EVC: variants seen among roughly 807,000 people sequenced by gnomAD.
The protein encoded by EVC is EvC ciliary complex subunit 1.
EVC carries 116 observed loss-of-function variants against 118.9 expected under a neutral mutation model. That is an observed-to-expected ratio of 0.98 (90% CI 0.84 to 1.14). The LOEUF (loss-of-function observed/expected upper bound fraction) is 1.14. EVC is among the 50% of genes most tolerant of loss of function. EVC has a pLI of 0.00. For synonymous variants in EVC, 619 were observed against 534.7 expected (o/e 1.16, Z -2.18); for missense variants, 1,401 against 1,246.4 (o/e 1.12, Z -1.87).
In EVC at chr4:5,798,585, G is replaced by A. The variant is rs773019082; in HGVS notation, c.2098-1G>A. The A allele has an allele frequency of 1.5e-5, 24 of 1,560,022 alleles. No homozygotes were observed. Among genetic ancestry groups the A allele is most frequent in the Non-Finnish European group, 2.0e-5 (23 of 1,153,080 alleles). On this transcript the variant is annotated splice_acceptor_variant, in intron 14 of 20. Transcript: ENST00000264956. LOFTEE classifies it high-confidence loss of function. The surrounding 1 kb of genome is among the most constrained non-coding windows in gnomAD (Gnocchi z 4.1). The stretch of plus-strand genomic sequence containing the variant: ...CCTGCTCCCAGTCCTTTCCCTCCCA[G>A]GAGGCGCGTGTGCTGGAGGAGGCCA...
chr4:5,712,010 C>CG (rs1723116691), intron 1 of EVC, among the ~76,000 whole-genome samples: 1 of 152,168 alleles, frequency 6.6e-6, no homozygotes, highest in African/African-American at 2.4e-5. Context: ...TTTTCATTCA[C>CG]CCCACAGTAA....
intron 5 of EVC, among the ~76,000 whole-genome samples, chr4:5,741,169 G>T (rs568309756): frequency 6.6e-6 from 1 of 152,292 alleles, no homozygotes; most frequent in African/African-American, 2.4e-5. Flanking sequence ...CCCCAAACTG[G>T]AAATAATCCA....
chr4:5,730,197 G>C (rs1438429116), intron 3 of EVC, among the ~76,000 whole-genome samples: 1 of 152,038 alleles, frequency 6.6e-6, no homozygotes, highest in African/African-American at 2.4e-5. Flanking sequence ...GTTGTTTTGG[G>C]TGTTACACAA....
intron 11 of EVC, among the ~76,000 whole-genome samples, chr4:5,757,315 T>G (rs1473090954): frequency 6.6e-6 from 1 of 152,122 alleles, no homozygotes; most frequent in Admixed American, 6.5e-5. Flanking sequence ...GAGCCAAGCA[T>G]TGGATGAGAC....
intron 2 of EVC, among the ~76,000 whole-genome samples, chr4:5,720,798 G>T (rs1108762): frequency 0.086 from 13,162 of 152,232 alleles, 732 homozygotes; most frequent in Middle Eastern, 0.13. Context: ...CTTTACCGTT[G>T]GTAATTATTA....
the EVC span, chr4:5,828,171 G>C: frequency 1.0e-6 from 1 of 985,384 alleles, no homozygotes; most frequent in African/African-American, 1.7e-5. Flanking sequence ...CCCGTGGGTG[G>C]GCAGGATTAC....
intron 2 of EVC, among the ~76,000 whole-genome samples, chr4:5,720,705 A>C (rs1724801460): frequency 6.6e-6 from 1 of 152,118 alleles, no homozygotes; most frequent in Non-Finnish European, 1.5e-5. Flanking sequence ...GCCAACGTGG[A>C]CGGGGGGAGA....
In EVC at chr4:5,813,051, A is replaced by G. The variant is rs1401498600; in HGVS notation, c.*2014A>G. The G allele has an allele frequency of 6.6e-6, 1 of 152,182 alleles. No homozygotes were observed. The highest frequency in any genetic ancestry group is 1.5e-5 in the Non-Finnish European group (1 of 68,042). The allele number at this position is 152,182 out of a possible 1,614,324, so 9.4% of individuals were successfully genotyped here. A position where few individuals can be genotyped will look rare whatever the true frequency, so the allele number is the denominator to read the frequency against. Reference sequence around the variant, plus strand: ...TCTTAGAAACAAGTGACTCCTTCCCAGTGGCCAAAACTTAATCATCAGAGC... The same window carrying G: ...TCTTAGAAACAAGTGACTCCTTCCCGGTGGCCAAAACTTAATCATCAGAGC... On this transcript the variant is annotated 3_prime_UTR_variant, in exon 21 of 21. Transcript: ENST00000264956.
the EVC span, chr4:5,825,302 C>T: frequency 4.1e-6 from 4 of 985,152 alleles, no homozygotes; most frequent in Non-Finnish European, 4.8e-6. The surrounding 1 kb of genome is among the most constrained non-coding windows in gnomAD (Gnocchi z 4.4). Flanking sequence ...CTAACATGGA[C>T]CCCCCTCTGC....
At chr4:5,776,155 C>T (rs1364755375) in intron 11 of EVC, among the ~76,000 whole-genome samples, 1 of 151,902 alleles carries the variant, frequency 6.6e-6, no homozygotes, top group East Asian at 1.9e-4. Flanking sequence ...TAATATTTTT[C>T]TCCTTTATTC....
In EVC at chr4:5,811,334, G is replaced by C. The variant is rs963791870; in HGVS notation, c.*297G>C. 2.5e-6 allele frequency: 1 copy of C among 405,798 alleles called. No homozygotes were observed. The highest frequency in any genetic ancestry group is 2.0e-5 in the African/African-American group (1 of 48,944). The allele number at this position is 405,798 out of a possible 1,614,324, so 25.1% of individuals were successfully genotyped here. A position where few individuals can be genotyped will look rare whatever the true frequency, so the allele number is the denominator to read the frequency against. ...CTCCCCAAGGAGGGACGTCTTGAGG[G>C]GTCCGAGCCTCAGGCCAAGGACCCC... On this transcript the variant is annotated 3_prime_UTR_variant, in exon 21 of 21. Coordinates refer to ENST00000264956, the MANE Select transcript of EVC (RefSeq NM_153717.3).
chr4:5,773,697 G>A (rs993294590), intron 11 of EVC, among the ~76,000 whole-genome samples: 2 of 152,002 alleles, frequency 1.3e-5, no homozygotes, highest in African/African-American at 4.8e-5. Context: ...CTTTTTTAAG[G>A]GAGTTGGCCC....
chr4:5,760,199 A>G (rs35687272), intron 11 of EVC, among the ~76,000 whole-genome samples: 40,568 of 151,944 alleles, frequency 0.27, 5,725 homozygotes, highest in East Asian at 0.5. Flanking sequence ...CGGGGGCCCA[A>G]TATATTTTCC....
At position 5,810,409 on chromosome 4, in the gene EVC, T is replaced by C. The variant is rs371561252; in HGVS notation, c.2853T>C (p.Asn951=). ...QERGDLGVPN[N]EDLASGDQTS... ...GAGGGGACCTGGGGGTGCCCAACAA[T>C]GAGGACCTTGCCTCCGGGGACCAGA... The change falls in exon 20 of 21, where the codon AAT becomes AAC. Residue 951 remains asparagine (N), a synonymous_variant. Coordinates refer to ENST00000264956, the MANE Select transcript of EVC (RefSeq NM_153717.3). 6.2e-7 allele frequency: 1 copy of C among 1,613,594 alleles called. No individual in the cohort carries two copies. The highest frequency in any genetic ancestry group is 8.5e-7 in the Non-Finnish European group (1 of 1,179,904).
chr4:5,806,810 C>CAT (rs1715990185), intron 17 of EVC, among the ~76,000 whole-genome samples: 1 of 152,306 alleles, frequency 6.6e-6, no homozygotes, highest in Admixed American at 6.5e-5. Context: ...ACCAATGGTG[C>CAT]ATAAGTGTTC....
At chr4:5,827,695 C>T in the EVC span, among the ~76,000 whole-genome samples, 1 of 151,474 alleles carries the variant, frequency 6.6e-6, no homozygotes, top group East Asian at 1.9e-4. Context: ...TGTACACATG[C>T]ACACATGACA....
the EVC span, chr4:5,827,901 G>C: frequency 1.4e-5 from 6 of 440,916 alleles, no homozygotes; most frequent in Non-Finnish European, 1.8e-5. Flanking sequence ...TTGCTCTAAA[G>C]TTAGGAATAG....
intron 5 of EVC, among the ~76,000 whole-genome samples, chr4:5,741,286 T>G (rs1232346614): frequency 6.6e-6 from 1 of 152,214 alleles, no homozygotes; most frequent in Non-Finnish European, 1.5e-5. Flanking sequence ...AAAGGACATC[T>G]CCATCCATTG....
chr4:5,827,690 A>G, the EVC span, among the ~76,000 whole-genome samples: 13 of 151,734 alleles, frequency 8.6e-5, no homozygotes, highest in Non-Finnish European at 1.5e-4. Context: ...ATGCATGTAC[A>G]CATGCACACA....
Sources: allele counts gnomAD v4.1 joint callset (sites outside exome capture counted in the v4.1 genomes callset), GRCh38; gene constraint gnomAD v4.1.1; non-coding constraint Gnocchi (gnomAD v3.1); transcripts MANE v1.5; gene names NCBI Gene and HGNC (gene_info 2026-07-23, HGNC 2026-07-21).